The following LEF1 variants were observed in gnomAD, a reference collection of about 807,000 sequenced individuals.
The protein encoded by LEF1 is lymphoid enhancer binding factor 1.
In LEF1, 14 loss-of-function variants were observed where a neutral mutation model predicts 51.2. The observed-to-expected ratio is 0.27, with a 90% CI of 0.18 to 0.43. The LOEUF is 0.43. LEF1 is among the 20% of genes least tolerant of loss of function. The pLI is 1.00. For synonymous variants in LEF1, 185 were observed against 183.2 expected (o/e 1.01, Z -0.08); for missense variants, 386 against 512.0 (o/e 0.75, Z 2.37).
intron 6 of LEF1, among the ~76,000 whole-genome samples, chr4:108,080,152 A>T (rs1739187730): frequency 1.3e-5 from 2 of 152,240 alleles, no homozygotes; most frequent in Non-Finnish European, 2.9e-5. Context: ...AACTGGTAAC[A>T]GAAATAAGGA....
At chr4:108,060,777 A>C (rs191114466) in intron 11 of LEF1, among the ~76,000 whole-genome samples, 2 of 152,130 alleles carry the variant, frequency 1.3e-5, no homozygotes, top group African/African-American at 4.8e-5. Flanking sequence ...CCCTCACAGC[A>C]ACATAACAAG....
chr4:108,054,576 C>A (rs1737203318), intron 11 of LEF1, among the ~76,000 whole-genome samples: 1 of 152,216 alleles, frequency 6.6e-6, no homozygotes, highest in South Asian at 2.1e-4. Context: ...GTGGTCCATA[C>A]AGGTTGGGAC....
intron 11 of LEF1, among the ~76,000 whole-genome samples, chr4:108,050,863 C>T (rs1736942636): frequency 6.6e-6 from 1 of 152,090 alleles, no homozygotes. Context: ...CAGACAACTT[C>T]CATGGCCCTG....
Position 108,167,927 on chromosome 4 carries a change from C to G in LEF1, c.-160G>C, listed in dbSNP as rs1018043413. ...GGGCGGGCGAGCGCGGGGCCGCCGG[C>G]CGGCAGCCGGAGCAGCTGCCGCGGC... On this transcript the variant is annotated 5_prime_UTR_variant, in exon 1 of 12. Transcript: ENST00000265165. The surrounding 1 kb of genome is among the most constrained non-coding windows in gnomAD (Gnocchi z 5.7). 7 of 434,544 alleles carry G rather than the reference C, an allele frequency of 1.6e-5. No homozygotes were observed. Among genetic ancestry groups the G allele is most frequent in the Non-Finnish European group, 2.3e-5 (6 of 266,354 alleles). 26.9% of individuals were successfully genotyped at this position (434,544 alleles called of 1,614,324 possible).
At chr4:108,166,671 C>A in intron 1 of LEF1, 7 of 1,001,488 alleles carry the variant, frequency 7.0e-6, no homozygotes, top group Non-Finnish European at 8.3e-6. Context: ...CTCTATCGCC[C>A]GCAGCGGGCC....
chr4:108,071,511 T>TG (rs1266213021), intron 8 of LEF1: 2 of 152,242 alleles, frequency 1.3e-5, no homozygotes, highest in African/African-American at 4.8e-5. Flanking sequence ...AGAATGTAGC[T>TG]GCTAATATCC....
In LEF1 at chr4:108,167,351, TACACACACACAC is replaced by T. The variant is rs35000095; in HGVS notation, c.213+192_213+203del. Among the ~76,000 whole-genome samples the T allele has an allele frequency of 7.5e-3, 982 of 131,772 alleles. 5 individuals are homozygous for T. Among genetic ancestry groups the T allele is most frequent in the African/African-American group, 0.015 (546 of 35,412 alleles). 86.4% of individuals were successfully genotyped at this position (131,772 alleles called of 152,430 possible). On this transcript the variant is annotated intron_variant, in intron 1 of 11. Coordinates refer to ENST00000265165, the MANE Select transcript of LEF1 (RefSeq NM_016269.5). The surrounding 1 kb of genome is among the most constrained non-coding windows in gnomAD (Gnocchi z 5.7). The stretch of plus-strand genomic sequence containing the variant: ...TACCCTGCCCCTCTACCTCCCATCC[TACACACACACAC>T]ACACACACACACACACACACACACA...
rs979089031 is a variant in LEF1, at chr4:108,108,383, C to T, written c.415-19126G>A. ...TACTTTCAGCTTCTTCTAGATTTGA[C>T]TCACTCGTAGTATACCCTTTCTCCT... On this transcript the variant is annotated intron_variant, in intron 3 of 11. Transcript: ENST00000265165. Among the ~76,000 whole-genome samples the T allele has an allele frequency of 3.3e-4, 51 of 152,288 alleles. 3 individuals carry two copies. Among genetic ancestry groups the T allele is most frequent in the South Asian group, 2.1e-4 (1 of 4,830 alleles).
chr4:108,098,309 T>C (rs1226892395), intron 3 of LEF1, among the ~76,000 whole-genome samples: 2 of 152,120 alleles, frequency 1.3e-5, no homozygotes, highest in South Asian at 2.1e-4. Context: ...AAATGGACTC[T>C]AGATCTCCTG....
chr4:108,162,515 C>T (rs1227311110), intron 3 of LEF1, among the ~76,000 whole-genome samples: 1 of 152,132 alleles, frequency 6.6e-6, no homozygotes, highest in East Asian at 1.9e-4. Context: ...GTATTAACAA[C>T]GTTACTCTTC....
At chr4:108,099,530 ATATATGTGTATATGTGTG>A (rs1233797681) in intron 3 of LEF1, among the ~76,000 whole-genome samples, 16 of 123,702 alleles carry the variant, frequency 1.3e-4, no homozygotes, top group African/African-American at 4.7e-4. Context: ...ATATATATAT[ATATATGTGTATATGTGTG>A]TGTGTGTATG....
chr4:108,060,762 A>G (rs772803012), intron 11 of LEF1, among the ~76,000 whole-genome samples: 6 of 151,984 alleles, frequency 3.9e-5, no homozygotes, highest in Non-Finnish European at 7.4e-5. Flanking sequence ...TTTTTTAATC[A>G]ACTACCCTCA....
chr4:108,066,527 C>T (rs929294559), intron 9 of LEF1, among the ~76,000 whole-genome samples: 10 of 152,166 alleles, frequency 6.6e-5, no homozygotes, highest in African/African-American at 1.2e-4. Flanking sequence ...CTCAGCACCA[C>T]GCTCCCCCAC....
At chr4:108,058,749 A>T (rs1036073089) in intron 11 of LEF1, among the ~76,000 whole-genome samples, 4 of 152,190 alleles carry the variant, frequency 2.6e-5, no homozygotes, top group Non-Finnish European at 5.9e-5. Flanking sequence ...ATATCTTCTT[A>T]AACTTGAAGC....
At position 108,117,264 on chromosome 4, in the gene LEF1, ATAT is replaced by A. The variant is rs1284103621; in HGVS notation, c.415-28010_415-28008del. ...TAAACATTTTTTAAAAAAAACCCTGATATTATTTTATAATCTAATTTACTCGAC... is the reference window on the plus strand; with the variant it reads ...TAAACATTTTTTAAAAAAAACCCTGATATTTTATAATCTAATTTACTCGAC... On this transcript the variant is annotated intron_variant, in intron 3 of 11. Coordinates refer to ENST00000265165, the MANE Select transcript of LEF1 (RefSeq NM_016269.5). 4.6e-5 allele frequency among the ~76,000 whole-genome samples: 7 copies of A among 152,216 alleles called. 1 individual carries two copies. Among genetic ancestry groups the A allele is most frequent in the African/African-American group, 1.4e-4 (6 of 41,544 alleles).
intron 8 of LEF1, 112 bp downstream of exon 8, chr4:108,078,108 T>C: frequency 7.3e-6 from 7 of 955,158 alleles, no homozygotes; most frequent in Non-Finnish European, 1.1e-5. Context: ...ATATCATATC[T>C]TGAAGTGCAA....
intron 10 of LEF1, among the ~76,000 whole-genome samples, chr4:108,064,083 AC>A (rs1737888249): frequency 6.6e-6 from 1 of 152,144 alleles, no homozygotes; most frequent in South Asian, 2.1e-4. Context: ...AAACAAACAA[AC>A]AAAATCCCAC....
intron 3 of LEF1, among the ~76,000 whole-genome samples, chr4:108,107,490 G>A (rs1332581417): frequency 4.4e-5 from 6 of 136,048 alleles, no homozygotes; most frequent in African/African-American, 1.6e-4. Context: ...CTTACAATCA[G>A]GGAAAAGGCT....
chr4:108,113,786 C>G (rs1448453754), intron 3 of LEF1, among the ~76,000 whole-genome samples: 1 of 152,132 alleles, frequency 6.6e-6, no homozygotes, highest in African/African-American at 2.4e-5. Context: ...GGATGAAGCA[C>G]TATGTGGCTA....
Sources: allele counts gnomAD v4.1 joint callset (sites outside exome capture counted in the v4.1 genomes callset), GRCh38; gene constraint gnomAD v4.1.1; non-coding constraint Gnocchi (gnomAD v3.1); transcripts MANE v1.5; gene names NCBI Gene and HGNC (gene_info 2026-07-23, HGNC 2026-07-21).